CFHR5: variants seen among roughly 807,000 people sequenced by gnomAD.
CFHR5 encodes the protein complement factor H related 5.
CFHR5 carries 73 observed loss-of-function variants against 62.9 expected under a neutral mutation model. The observed-to-expected ratio is 1.16, with a 90% CI of 0.96 to 1.41. CFHR5 has a LOEUF of 1.41. CFHR5 is among the 40% of genes most tolerant of loss of function. The probability of loss-of-function intolerance (pLI) is 0.00; values close to 1 mark genes in which losing one functional copy is unlikely to be tolerated. For synonymous variants in CFHR5, 249 were observed against 227.2 expected (o/e 1.10, Z -0.86); for missense variants, 779 against 679.9 (o/e 1.15, Z -1.62).
chr1:196,979,526 A>T (rs534843167), intron 1 of CFHR5, among the ~76,000 whole-genome samples: 1 of 152,256 alleles, frequency 6.6e-6, no homozygotes, highest in East Asian at 1.9e-4. Flanking sequence ...AAACATATAA[A>T]AGGTACAATA....
intron 4 of CFHR5, 31 bp downstream of exon 4, chr1:196,994,287 A>G: frequency 1.3e-6 from 2 of 1,547,938 alleles, no homozygotes; most frequent in African/African-American, 2.7e-5. Context: ...TGATGAAACA[A>G]GAATTTGATT....
At chr1:196,989,020 G>C (rs886661155) in intron 3 of CFHR5, among the ~76,000 whole-genome samples, 4 of 152,088 alleles carry the variant, frequency 2.6e-5, no homozygotes, top group Non-Finnish European at 5.9e-5. Context: ...TGGGTGGTAG[G>C]CAATTAATTA....
chr1:196,983,092 C>A lies in CFHR5; in HGVS notation c.253+13C>A. 6.2e-7 allele frequency: 1 copy of A among 1,613,676 alleles called. No individual in the cohort carries two copies. Among genetic ancestry groups the A allele is most frequent in the Non-Finnish European group, 8.5e-7 (1 of 1,179,750 alleles). On this transcript the variant is annotated intron_variant, in intron 2 of 9. Coordinates refer to ENST00000256785, the MANE Select transcript of CFHR5 (RefSeq NM_030787.4). ...CCGAAGTGTCTCAGTGAGTAAATGC[C>A]CTGTTCATTAAATGGATGTCATTCA...
Position 196,987,139 on chromosome 1 carries a change from A to G in CFHR5, c.430+3002A>G, listed in dbSNP as rs182649489. ...GACCAGTGATGATCAGCATTTTTTC[A>G]TGTGTCTGTTGGCTGAATAAATGTC... On this transcript the variant is annotated intron_variant, in intron 3 of 9. Coordinates refer to ENST00000256785, the MANE Select transcript of CFHR5 (RefSeq NM_030787.4). Among the ~76,000 whole-genome samples the G allele has an allele frequency of 3.6e-3, 548 of 152,216 alleles. 3 individuals are homozygous for G. The highest frequency in any genetic ancestry group is 0.013 in the African/African-American group (521 of 41,536).
intron 3 of CFHR5, among the ~76,000 whole-genome samples, chr1:196,987,032 T>G (rs2125029072): frequency 6.6e-6 from 1 of 152,326 alleles, no homozygotes; most frequent in East Asian, 1.9e-4. Context: ...TAGAATCTGT[T>G]GTTCCCTGAC....
At chr1:196,987,643 T>C (rs1210972508) in intron 3 of CFHR5, among the ~76,000 whole-genome samples, 2 of 152,190 alleles carry the variant, frequency 1.3e-5, no homozygotes, top group African/African-American at 4.8e-5. Flanking sequence ...TTCTTGTTTT[T>C]CTCAGGTTTG....
intron 2 of CFHR5, among the ~76,000 whole-genome samples, chr1:196,983,566 A>G (rs570797563): frequency 1.3e-4 from 20 of 152,318 alleles, no homozygotes; most frequent in African/African-American, 2.6e-4. Context: ...GACTCCAATG[A>G]TAACAGGTGC....
chr1:196,982,974 G>A lies in CFHR5; in HGVS notation c.148G>A (p.Val50Ile), dbSNP rs761319757. The change falls in exon 2 of 10, where the codon GTT becomes ATT. Residue 50 changes from valine (V) to isoleucine (I), a missense_variant. Transcript: ENST00000256785. ...NPFSQVPTGE[V>I]FYYSCEYNFV... ...TTTTTCCCAAGTTCCTACAGGGGAA[G>A]TTTTCTATTACTCCTGTGAATATAA... is the stretch of plus-strand genomic sequence containing the variant. 1 of 1,614,106 alleles carries A rather than the reference G, an allele frequency of 6.2e-7. No individual in the cohort carries two copies. Among genetic ancestry groups the A allele is most frequent in the South Asian group, 1.1e-5 (1 of 91,044 alleles).
chr1:197,006,700 G>A (rs1418881316), intron 9 of CFHR5, among the ~76,000 whole-genome samples: 3 of 118,412 alleles, frequency 2.5e-5, no homozygotes, highest in Non-Finnish European at 5.7e-5. Context: ...CAACAAGAGT[G>A]AAACTCCGTC....
chr1:197,000,352 T>C (rs1054597460), intron 7 of CFHR5, among the ~76,000 whole-genome samples: 1 of 152,092 alleles, frequency 6.6e-6, no homozygotes, highest in East Asian at 1.9e-4. Context: ...AGTTATTTGG[T>C]CAAAATCAAG....
chr1:197,004,565 C>T (rs1015937035), intron 8 of CFHR5, 96 bp from the exon 9 acceptor site: 2 of 983,168 alleles, frequency 2.0e-6, no homozygotes, highest in Admixed American at 1.8e-5. Flanking sequence ...TTTGAATTTC[C>T]AGACACCTTA....
intron 7 of CFHR5, among the ~76,000 whole-genome samples, chr1:196,999,722 T>TACACACAC (rs60382421): frequency 4.3e-5 from 5 of 116,198 alleles, no homozygotes; most frequent in African/African-American, 1.7e-4. Context: ...TATATATATA[T>TACACACAC]ACACACACAC....
chr1:196,980,862 G>A lies in CFHR5; in HGVS notation c.59-2023G>A, dbSNP rs550498199. Among the ~76,000 whole-genome samples, 3 of 152,112 alleles carry A rather than the reference G, an allele frequency of 2.0e-5. No homozygotes were observed. In the East Asian group the frequency reaches 5.8e-4, roughly 29 times the overall value. Reference sequence around the variant, plus strand: ...GAACTAAGTTATTCTGGATAGCGAAGAATATGTAAGTACATATGCATGAAA... The same window carrying A: ...GAACTAAGTTATTCTGGATAGCGAAAAATATGTAAGTACATATGCATGAAA... On this transcript the variant is annotated intron_variant, in intron 1 of 9. Transcript: ENST00000256785.
At chr1:196,992,908 TATTA>T (rs969886712) in intron 3 of CFHR5, among the ~76,000 whole-genome samples, 1 of 152,208 alleles carries the variant, frequency 6.6e-6, no homozygotes. Flanking sequence ...TTTATGAGAT[TATTA>T]GTTAGAACAT....
intron 2 of CFHR5, 81 bp from the exon 3 acceptor site, chr1:196,983,880 T>G (rs1653607104): frequency 1.0e-6 from 1 of 984,248 alleles, no homozygotes; most frequent in Admixed American, 2.1e-5. Context: ...TTTTCAAAGT[T>G]TTCCTTTCTT....
At chr1:196,989,359 C>G (rs879448568) in intron 3 of CFHR5, among the ~76,000 whole-genome samples, 781 of 147,554 alleles carry the variant, frequency 5.3e-3, no homozygotes, top group African/African-American at 0.019. Context: ...CTTTTGTTGT[C>G]TCTATCTCCT....
chr1:196,975,079 AG>A (rs1159418642), upstream of CFHR5, among the ~76,000 whole-genome samples: 1 of 152,178 alleles, frequency 6.6e-6, no homozygotes, highest in Non-Finnish European at 1.5e-5. Flanking sequence ...AAGAGAAACC[AG>A]GAGAATGTGG....
At chr1:197,005,191 G>A (rs1222009884) in intron 9 of CFHR5, among the ~76,000 whole-genome samples, 3 of 152,016 alleles carry the variant, frequency 2.0e-5, no homozygotes, top group Non-Finnish European at 4.4e-5. Flanking sequence ...AAAAACACTG[G>A]TCTAGGAAAA....
intron 9 of CFHR5, 143 bp from the exon 10 acceptor site, chr1:197,008,344 T>A: frequency 2.9e-6 from 1 of 348,224 alleles, no homozygotes; most frequent in South Asian, 8.4e-5. Flanking sequence ...CAAGAATAAC[T>A]CAATAAATAT....
Sources: gnomAD v4.1 joint callset for allele counts (sites outside exome capture counted in the v4.1 genomes callset) on GRCh38, gnomAD v4.1.1 for gene constraint, MANE v1.5 for transcripts, NCBI Gene and HGNC (gene_info 2026-07-23, HGNC 2026-07-21) for gene names.